Variants in CCDC3 observed in about 807,000 individuals in gnomAD.
CCDC3 encodes the protein coiled-coil domain-containing protein 3.
Under a neutral mutation model 21.4 loss-of-function variants are expected in CCDC3, and 24 were observed. The ratio of observed to expected loss-of-function variants is 1.12; its 90% CI spans 0.81 to 1.58. The LOEUF is 1.58. Among genes scored for constraint, CCDC3 ranks in the 40% most tolerant of loss-of-function variants. The pLI is 0.00. For missense variants in CCDC3, 425 were observed against 360.9 expected (o/e 1.18, Z -1.44); for synonymous variants, 186 against 166.0 (o/e 1.12, Z -0.93).
chr10:13,013,935 G>A (rs1319381013), intron 5 of CCDC3, among the ~76,000 whole-genome samples: 15 of 152,098 alleles, frequency 9.9e-5, no homozygotes, highest in Admixed American at 9.8e-4. Context: ...GGGATCACTT[G>A]AGGTCAGGAG....
intron 2 of CCDC3, among the ~76,000 whole-genome samples, chr10:12,989,647 C>A (rs1835651287): frequency 6.6e-6 from 1 of 152,142 alleles, no homozygotes; most frequent in East Asian, 1.9e-4. Flanking sequence ...GTCTCTAACT[C>A]CTGATCTCAA....
intron 2 of CCDC3, among the ~76,000 whole-genome samples, chr10:12,920,840 T>C (rs979512846): frequency 3.3e-5 from 5 of 152,294 alleles, no homozygotes; most frequent in Admixed American, 6.5e-5. Context: ...AGAAGGTCTA[T>C]CTCAAAAGGT....
chr10:13,047,079 A>T (rs1402836438), intron 5 of CCDC3, among the ~76,000 whole-genome samples: 1 of 152,166 alleles, frequency 6.6e-6, no homozygotes, highest in East Asian at 1.9e-4. Context: ...AGCAGCTGTT[A>T]CGAAAGAGGA....
chr10:12,927,797 A>T (rs1292777605), intron 2 of CCDC3, among the ~76,000 whole-genome samples: 1 of 152,256 alleles, frequency 6.6e-6, no homozygotes, highest in Non-Finnish European at 1.5e-5. Context: ...TGAATCCATT[A>T]GAATCATCTG....
chr10:12,961,258 C>T (rs866957704), intron 2 of CCDC3, among the ~76,000 whole-genome samples: 4 of 152,158 alleles, frequency 2.6e-5, no homozygotes, highest in Non-Finnish European at 5.9e-5. Context: ...ACAGTATGCA[C>T]ATCACAGGGT....
At position 12,896,857 on chromosome 10, in the gene CCDC3, A is replaced by C; in HGVS notation, c.*1559T>G. 6.6e-6 allele frequency: 1 copy of C among 152,482 alleles called. No homozygotes were observed. Among genetic ancestry groups the C allele is most frequent in the African/African-American group, 2.4e-5 (1 of 41,456 alleles). The allele number at this position is 152,482 out of a possible 1,614,324, so 9.4% of individuals were successfully genotyped here. A position where few individuals can be genotyped will look rare whatever the true frequency, so the allele number is the denominator to read the frequency against. On this transcript the variant is annotated 3_prime_UTR_variant, in exon 3 of 3. Coordinates refer to ENST00000378825, the MANE Select transcript of CCDC3 (RefSeq NM_031455.4). The stretch of plus-strand genomic sequence containing the variant: ...ATACAGCTAATGAAGTGGTGGCAGA[A>C]GCTTGGCCGTGTGAGTGCCCCAGGG...
chr10:13,077,740 C>T (rs143962306), intron 3 of CCDC3, among the ~76,000 whole-genome samples: 1 of 152,126 alleles, frequency 6.6e-6, no homozygotes, highest in African/African-American at 2.4e-5. Context: ...ACAAACCTGA[C>T]AAAAACAAGC....
At chr10:13,072,198 A>C (rs1251162835) in intron 4 of CCDC3, among the ~76,000 whole-genome samples, 2 of 152,084 alleles carry the variant, frequency 1.3e-5, no homozygotes, top group Non-Finnish European at 2.9e-5. Context: ...TCTCGCCTTC[A>C]GGCTATCAAA....
chr10:12,986,466 G>A (rs12256559), intron 2 of CCDC3, among the ~76,000 whole-genome samples: 1 of 152,070 alleles, frequency 6.6e-6, no homozygotes, highest in African/African-American at 2.4e-5. Context: ...AAAATAAAAT[G>A]AATTTTTTAA....
chr10:13,009,512 TC>T (rs1835960837), intron 5 of CCDC3, among the ~76,000 whole-genome samples: 1 of 152,170 alleles, frequency 6.6e-6, no homozygotes, highest in South Asian at 2.1e-4. Flanking sequence ...TTACCTGATT[TC>T]AAGACCTACT....
intron 2 of CCDC3, among the ~76,000 whole-genome samples, chr10:12,929,336 T>C (rs992752516): frequency 2.6e-5 from 4 of 151,786 alleles, no homozygotes; most frequent in Non-Finnish European, 4.4e-5. Flanking sequence ...CCTGTCATGT[T>C]AGAACCTCTG....
chr10:13,010,212 C>T (rs986756919), intron 5 of CCDC3, among the ~76,000 whole-genome samples: 8 of 152,108 alleles, frequency 5.3e-5, no homozygotes, highest in Admixed American at 1.3e-4. Context: ...CATGCCACTG[C>T]ACTCCAGCCT....
intron 2 of CCDC3, among the ~76,000 whole-genome samples, chr10:12,997,535 A>G (rs1467085881): frequency 6.6e-6 from 1 of 152,102 alleles, no homozygotes; most frequent in African/African-American, 2.4e-5. Flanking sequence ...CGACCCTTAC[A>G]TTTTGCAACC....
At chr10:13,075,299 G>C (rs1836949085) in intron 3 of CCDC3, among the ~76,000 whole-genome samples, 1 of 152,138 alleles carries the variant, frequency 6.6e-6, no homozygotes, top group South Asian at 2.1e-4. Context: ...CCAGCATCCT[G>C]CATAGTGACT....
At chr10:13,022,304 C>T (rs767389114) in intron 5 of CCDC3, among the ~76,000 whole-genome samples, 11 of 152,084 alleles carry the variant, frequency 7.2e-5, no homozygotes, top group South Asian at 2.1e-4. Flanking sequence ...GGTCAGGACC[C>T]GATCTGAGAA....
intron 2 of CCDC3, among the ~76,000 whole-genome samples, chr10:12,915,102 A>G (rs1834330865): frequency 6.6e-6 from 1 of 152,140 alleles, no homozygotes; most frequent in African/African-American, 2.4e-5. Context: ...ATTGGTGTTC[A>G]GGAACATGTT....
At chr10:13,012,724 T>C (rs1239954114) in intron 5 of CCDC3, among the ~76,000 whole-genome samples, 1 of 151,910 alleles carries the variant, frequency 6.6e-6, no homozygotes, top group East Asian at 1.9e-4. Flanking sequence ...TGAGCTGAGA[T>C]TGCACCACCG....
intron 4 of CCDC3, among the ~76,000 whole-genome samples, chr10:13,072,203 A>G (rs146847839): frequency 6.6e-6 from 1 of 152,032 alleles, no homozygotes; most frequent in Non-Finnish European, 1.5e-5. Context: ...CCTTCAGGCT[A>G]TCAAACTCCA....
chr10:13,073,159 C>T (rs1376767559), intron 4 of CCDC3, among the ~76,000 whole-genome samples: 1 of 152,046 alleles, frequency 6.6e-6, no homozygotes, highest in East Asian at 1.9e-4. Flanking sequence ...AGCCACTATC[C>T]CTGGCCACAC....
Sources: allele counts gnomAD v4.1 joint callset (sites outside exome capture counted in the v4.1 genomes callset), GRCh38; gene constraint gnomAD v4.1.1; transcripts MANE v1.5; gene names NCBI Gene and HGNC (gene_info 2026-07-23, HGNC 2026-07-21).